Variants in CTNNBIP1 observed in about 807,000 individuals in gnomAD.
CTNNBIP1 encodes the protein catenin beta interacting protein 1.
CTNNBIP1 carries 7 observed loss-of-function variants against 11.8 expected under a neutral mutation model. The ratio of observed to expected loss-of-function variants is 0.60; its 90% CI spans 0.34 to 1.12. The LOEUF is 1.12. CTNNBIP1 is among the 50% of genes most tolerant of loss of function. The probability of loss-of-function intolerance (pLI) is 0.03; values close to 1 mark genes in which losing one functional copy is unlikely to be tolerated. For synonymous variants in CTNNBIP1, 58 were observed against 43.9 expected (o/e 1.32, Z -1.26); for missense variants, 101 against 113.4 (o/e 0.89, Z 0.50).
chr1:9,891,816 T>TG (rs1225966388), intron 1 of CTNNBIP1, among the ~76,000 whole-genome samples: 4 of 108,982 alleles, frequency 3.7e-5, no homozygotes, highest in African/African-American at 1.5e-4. Context: ...TTTTTGGAGA[T>TG]GGGGTCTCGC....
In CTNNBIP1 at chr1:9,871,555, G is replaced by A. The variant is rs1638861615; in HGVS notation, c.97-278C>T. On this transcript the variant is annotated intron_variant, in intron 4 of 5. Transcript: ENST00000377263. This position sits in a 1 kb window ranked among gnomAD's most constrained non-coding sequence, Gnocchi z 5.2. ...CCAGTGGAAGACACAAGTCCTGCCC[G>A]GAAGGCTGAGGGGCGATTCCATGTC... is the stretch of plus-strand genomic sequence containing the variant. Among the ~76,000 whole-genome samples, 1 of 151,546 alleles carries A rather than the reference G, an allele frequency of 6.6e-6. No individual in the cohort carries two copies. Among genetic ancestry groups the A allele is most frequent in the Non-Finnish European group, 1.5e-5 (1 of 67,850 alleles).
At chr1:9,875,299 G>A (rs1396513763) in intron 3 of CTNNBIP1, among the ~76,000 whole-genome samples, 2 of 152,184 alleles carry the variant, frequency 1.3e-5, no homozygotes, top group Non-Finnish European at 2.9e-5. Context: ...TCTGGTTTTT[G>A]CCGCCGCATC....
intron 3 of CTNNBIP1, among the ~76,000 whole-genome samples, chr1:9,873,912 A>AT (rs1208055649): frequency 1.3e-5 from 2 of 152,068 alleles, no homozygotes; most frequent in East Asian, 1.9e-4. Context: ...ATTTAAAAAC[A>AT]TTTTTTTGTA....
rs148999497 is a variant in CTNNBIP1, at chr1:9,895,434, G to A, written c.-143-11696C>T. The stretch of plus-strand genomic sequence containing the variant: ...GCTGGTCTTGAACTCCTGACTTCAC[G>A]TGATCCGCCCGCCTCAGCCTCCCAA... On this transcript the variant is annotated intron_variant, in intron 1 of 5. Coordinates refer to ENST00000377263, the MANE Select transcript of CTNNBIP1 (RefSeq NM_020248.3). Among the ~76,000 whole-genome samples, 1,456 of 146,964 alleles carry A rather than the reference G, an allele frequency of 9.9e-3. 26 individuals carry two copies. The highest frequency in any genetic ancestry group is 0.034 in the African/African-American group (1,337 of 39,710).
At chr1:9,855,133 CTT>C (rs1638474337) in intron 5 of CTNNBIP1, among the ~76,000 whole-genome samples, 8 of 152,018 alleles carry the variant, frequency 5.3e-5, no homozygotes, top group Admixed American at 5.2e-4. Context: ...TAATAAAACA[CTT>C]AGGAACAAAT....
intron 1 of CTNNBIP1, among the ~76,000 whole-genome samples, chr1:9,902,200 C>T (rs1261366964): frequency 1.3e-5 from 2 of 152,128 alleles, no homozygotes; most frequent in Non-Finnish European, 2.9e-5. Context: ...GTGGAGAGCC[C>T]GCCTGCCACC....
At chr1:9,878,505 C>T (rs1288585166) in intron 2 of CTNNBIP1, among the ~76,000 whole-genome samples, 1 of 152,242 alleles carries the variant, frequency 6.6e-6, no homozygotes, top group African/African-American at 2.4e-5. Context: ...CATCAACTAA[C>T]ACACATGCTA....
chr1:9,881,540 T>G (rs780751380), intron 2 of CTNNBIP1, among the ~76,000 whole-genome samples: 2 of 151,936 alleles, frequency 1.3e-5, no homozygotes, highest in African/African-American at 4.8e-5. Flanking sequence ...GATTTCACCA[T>G]GTTGGCCAGG....
chr1:9,865,322 C>T (rs1039861570), intron 5 of CTNNBIP1, among the ~76,000 whole-genome samples: 2 of 151,564 alleles, frequency 1.3e-5, no homozygotes, highest in East Asian at 1.9e-4. Context: ...GTATTAAGGC[C>T]GGGCGCGGTG....
intron 1 of CTNNBIP1, among the ~76,000 whole-genome samples, chr1:9,889,528 C>T (rs1465201976): frequency 1.3e-5 from 2 of 152,166 alleles, no homozygotes; most frequent in Non-Finnish European, 2.9e-5. Flanking sequence ...ACTTCCTTCC[C>T]TCCCTGATTC....
In CTNNBIP1 at chr1:9,884,409, G is replaced by A. The variant is rs191840963; in HGVS notation, c.-143-671C>T. Among the ~76,000 whole-genome samples the A allele has an allele frequency of 1.1e-4, 16 of 152,180 alleles. No individual in the cohort carries two copies. The South Asian group carries it at 2.7e-3, about 26-fold the overall frequency. ...GGAAGACAGCCAGGCCTTAATCCCC[G>A]AGAGCTGCCCAGCCCCAGGCCTCCC... On this transcript the variant is annotated intron_variant, in intron 1 of 5. Coordinates refer to ENST00000377263, the MANE Select transcript of CTNNBIP1 (RefSeq NM_020248.3).
In CTNNBIP1 at chr1:9,866,897, G is replaced by A. The variant is rs1487063746; in HGVS notation, c.187+4290C>T. ...GGAGAGAATGAAGCAGGTCTGGGGA[G>A]CCTTAGGATGGACTCAGTAACCCAT... On this transcript the variant is annotated intron_variant, in intron 5 of 5. Transcript: ENST00000377263. 2.0e-5 allele frequency among the ~76,000 whole-genome samples: 3 copies of A among 152,094 alleles called. No homozygotes were observed. The East Asian group carries it at 5.8e-4, about 29-fold the overall frequency.
chr1:9,905,568 G>A (rs1314232746), intron 1 of CTNNBIP1, among the ~76,000 whole-genome samples: 2 of 150,878 alleles, frequency 1.3e-5, no homozygotes, highest in African/African-American at 2.4e-5. Flanking sequence ...GACTACAGGC[G>A]CCCGCCCCCA....
At chr1:9,865,592 A>C (rs549708021) in intron 5 of CTNNBIP1, among the ~76,000 whole-genome samples, 33 of 152,284 alleles carry the variant, frequency 2.2e-4, no homozygotes, top group Non-Finnish European at 5.9e-5. Flanking sequence ...TGACAGAGCG[A>C]GACTCTGTCT....
chr1:9,873,909 A>C (rs1638914412), intron 3 of CTNNBIP1, among the ~76,000 whole-genome samples: 1 of 151,954 alleles, frequency 6.6e-6, no homozygotes, highest in Admixed American at 6.6e-5. Flanking sequence ...CTAATTTAAA[A>C]ACATTTTTTT....
rs1419121842 is a variant in CTNNBIP1, at chr1:9,872,885, C to T, written c.-24-797G>A. Among the ~76,000 whole-genome samples the T allele has an allele frequency of 6.6e-6, 1 of 152,166 alleles. No homozygotes were observed. Among genetic ancestry groups the T allele is most frequent in the Non-Finnish European group, 1.5e-5 (1 of 68,022 alleles). On this transcript the variant is annotated intron_variant, in intron 3 of 5. Transcript: ENST00000377263. This position sits in a 1 kb window ranked among gnomAD's most constrained non-coding sequence, Gnocchi z 4.0. The stretch of plus-strand genomic sequence containing the variant: ...GCTGGGTATGGAGGGGCTTGGGTTA[C>T]ACACTGGTAACTCCTGGATGAGTCA...
At chr1:9,906,392 T>C (rs886679226) in intron 1 of CTNNBIP1, among the ~76,000 whole-genome samples, 6 of 152,034 alleles carry the variant, frequency 3.9e-5, no homozygotes, top group African/African-American at 1.2e-4. Flanking sequence ...ACCCCATCTC[T>C]ACTAAAAATA....
At chr1:9,878,639 A>G (rs553360486) in intron 2 of CTNNBIP1, among the ~76,000 whole-genome samples, 1 of 152,288 alleles carries the variant, frequency 6.6e-6, no homozygotes, top group African/African-American at 2.4e-5. Context: ...TCTGCCTCCT[A>G]CACAGGAGCT....
chr1:9,896,354 T>C (rs780759617), intron 1 of CTNNBIP1, among the ~76,000 whole-genome samples: 2 of 152,200 alleles, frequency 1.3e-5, no homozygotes, highest in Non-Finnish European at 2.9e-5. Flanking sequence ...GTGAATGTAT[T>C]AGACGAAAAC....
Sources: gnomAD v4.1 joint callset for allele counts (sites outside exome capture counted in the v4.1 genomes callset) on GRCh38, gnomAD v4.1.1 for gene constraint, Gnocchi (gnomAD v3.1) non-coding constraint, MANE v1.5 for transcripts, NCBI Gene and HGNC (gene_info 2026-07-23, HGNC 2026-07-21) for gene names.